Variants in RBFOX1 observed in about 807,000 individuals in gnomAD.
RBFOX1 encodes the protein RNA binding fox-1 homolog 1.
RBFOX1 carries 8 observed loss-of-function variants against 57.7 expected under a neutral mutation model. The ratio of observed to expected loss-of-function variants is 0.14; its 90% confidence interval spans 0.08 to 0.25. The LOEUF (loss-of-function observed/expected upper bound fraction) is 0.25. Among genes scored for constraint, RBFOX1 ranks in the 10% least tolerant of loss-of-function variants. The pLI is 1.00. For missense variants in RBFOX1, 611 were observed against 548.5 expected (o/e 1.11, Z -1.14); for synonymous variants, 326 against 222.4 (o/e 1.47, Z -4.15).
At chr16:6,059,732 A>G (rs1027156156) in intron 1 of RBFOX1, among the ~76,000 whole-genome samples, 2 of 152,080 alleles carry the variant, frequency 1.3e-5, no homozygotes, top group African/African-American at 2.4e-5. Context: ...CAGGGCCTCT[A>G]CCATCTGTTT....
chr16:5,718,202 A>G (rs1232832980), intron 3 of RBFOX1, among the ~76,000 whole-genome samples: 2 of 152,230 alleles, frequency 1.3e-5, no homozygotes, highest in Non-Finnish European at 2.9e-5. Flanking sequence ...TGTGCTCAAC[A>G]GATTCAGTCT....
chr16:6,359,701 G>A (rs1031522225), intron 2 of RBFOX1, among the ~76,000 whole-genome samples: 1 of 152,110 alleles, frequency 6.6e-6, no homozygotes, highest in African/African-American at 2.4e-5. Flanking sequence ...AACCTTTCGA[G>A]CATCTACTGT....
intron 3 of RBFOX1, among the ~76,000 whole-genome samples, chr16:7,016,740 A>C (rs551997877): frequency 6.6e-6 from 1 of 152,264 alleles, no homozygotes; most frequent in East Asian, 1.9e-4. Flanking sequence ...GAGTTGATTA[A>C]ACTGTCTACT....
chr16:5,903,046 T>C (rs538309831), intron 4 of RBFOX1, among the ~76,000 whole-genome samples: 2 of 152,238 alleles, frequency 1.3e-5, no homozygotes, highest in African/African-American at 4.8e-5. Context: ...CTCCTAGCCT[T>C]TTCTTGGACT....
intron 3 of RBFOX1, among the ~76,000 whole-genome samples, chr16:6,967,888 G>A (rs1035742343): frequency 2.6e-5 from 4 of 152,104 alleles, no homozygotes; most frequent in Admixed American, 2.0e-4. Context: ...GAAAAAAGAT[G>A]CCCCAAATCA....
At chr16:7,533,860 G>A (rs9934852) in intron 5 of RBFOX1, among the ~76,000 whole-genome samples, 143,026 of 152,276 alleles carry the variant, frequency 0.94, 67,464 homozygotes, top group Middle Eastern at 0.98. Flanking sequence ...GAGTTTCTCA[G>A]TTGTTATTAT....
At chr16:6,518,468 A>G (rs1284231730) in intron 2 of RBFOX1, among the ~76,000 whole-genome samples, 2 of 152,094 alleles carry the variant, frequency 1.3e-5, no homozygotes, top group African/African-American at 2.4e-5. Flanking sequence ...CTTCTATTAT[A>G]CAGATGGGCA....
chr16:5,294,095 G>A (rs1382531371), intron 1 of RBFOX1, among the ~76,000 whole-genome samples: 2 of 152,110 alleles, frequency 1.3e-5, no homozygotes, highest in Non-Finnish European at 2.9e-5. Flanking sequence ...TAGGCGTGGT[G>A]GTGCATGCCT....
intron 1 of RBFOX1, among the ~76,000 whole-genome samples, chr16:6,054,049 A>G (rs1319099942): frequency 6.6e-6 from 1 of 152,148 alleles, no homozygotes; most frequent in Non-Finnish European, 1.5e-5. Context: ...ACCCTGTTTC[A>G]AAAAAGAAAA....
intron 2 of RBFOX1, among the ~76,000 whole-genome samples, chr16:5,516,550 A>T (rs147574708): frequency 6.6e-6 from 1 of 152,244 alleles, no homozygotes; most frequent in Admixed American, 6.5e-5. Context: ...TACATGAACT[A>T]CTTATTCAAG....
intron 3 of RBFOX1, among the ~76,000 whole-genome samples, chr16:6,998,073 T>C (rs1436185867): frequency 1.3e-5 from 2 of 152,196 alleles, no homozygotes; most frequent in South Asian, 2.1e-4. Context: ...AGAAAAAATA[T>C]AGATATAAAT....
chr16:7,059,079 G>A (rs2053431674), intron 4 of RBFOX1, among the ~76,000 whole-genome samples: 1 of 152,172 alleles, frequency 6.6e-6, no homozygotes, highest in Admixed American at 6.5e-5. Context: ...ATTGCATAAT[G>A]AAAATTGCTA....
chr16:6,955,066 A>T (rs2081483538), intron 3 of RBFOX1, among the ~76,000 whole-genome samples: 1 of 105,072 alleles, frequency 9.5e-6, no homozygotes, highest in African/African-American at 4.0e-5. Context: ...CCCCATCTCT[A>T]CAAAAAAAAA....
At chr16:7,527,476 G>A (rs2078961997) in intron 5 of RBFOX1, among the ~76,000 whole-genome samples, 1 of 152,080 alleles carries the variant, frequency 6.6e-6, no homozygotes, top group African/African-American at 2.4e-5. Context: ...TTTTGGACTG[G>A]GGTTTCAGCC....
intron 4 of RBFOX1, among the ~76,000 whole-genome samples, chr16:7,142,950 A>G (rs1448761289): frequency 6.7e-6 from 1 of 150,180 alleles, no homozygotes; most frequent in Non-Finnish European, 1.5e-5. Context: ...TCTACCTATG[A>G]TATAGCTGGT....
intron 1 of RBFOX1, among the ~76,000 whole-genome samples, chr16:6,251,924 C>T (rs567886553): frequency 3.5e-4 from 53 of 152,218 alleles, no homozygotes; most frequent in African/African-American, 1.2e-3. Flanking sequence ...CTCCTAAATT[C>T]TGTCTCCTGG....
intron 4 of RBFOX1, among the ~76,000 whole-genome samples, chr16:7,443,635 G>C (rs1276171108): frequency 6.6e-6 from 1 of 152,078 alleles, no homozygotes; most frequent in Non-Finnish European, 1.5e-5. Flanking sequence ...ATGTAAAAAA[G>C]TGCAGCGTAT....
At chr16:6,391,077 C>G (rs759464162) in intron 2 of RBFOX1, among the ~76,000 whole-genome samples, 2 of 152,130 alleles carry the variant, frequency 1.3e-5, no homozygotes, top group Non-Finnish European at 2.9e-5. Context: ...AAAATGTCTC[C>G]AGACATTTGC....
intron 3 of RBFOX1, among the ~76,000 whole-genome samples, chr16:6,940,134 G>C (rs986709110): frequency 6.6e-6 from 1 of 152,168 alleles, no homozygotes; most frequent in Non-Finnish European, 1.5e-5. Context: ...GGAGGTTGCA[G>C]TGAGCCAAGA....
Sources: gnomAD v4.1 joint callset for allele counts (sites outside exome capture counted in the v4.1 genomes callset) on GRCh38, gnomAD v4.1.1 for gene constraint, MANE v1.5 for transcripts, NCBI Gene and HGNC (gene_info 2026-07-23, HGNC 2026-07-21) for gene names.